The following ENOPH1 variants were observed in gnomAD, a reference collection of about 807,000 sequenced individuals.
ENOPH1 encodes the protein enolase-phosphatase E1.
ENOPH1 carries 14 observed loss-of-function variants against 31.1 expected under a neutral mutation model. That is an observed-to-expected ratio of 0.45 (90% confidence interval 0.30 to 0.70). The LOEUF (loss-of-function observed/expected upper bound fraction) is 0.70, where lower values mean the gene tolerates loss of function less well. ENOPH1 is among the 30% of genes least tolerant of loss of function. The pLI, the probability that ENOPH1 is intolerant of heterozygous loss-of-function variation, is 0.09. For synonymous variants in ENOPH1, 127 were observed against 123.2 expected, an observed-to-expected ratio of 1.03 and a Z score of -0.21; for missense variants, 243 against 321.5, an observed-to-expected ratio of 0.76 and a Z score of 1.87.
intron 2 of ENOPH1, among the ~76,000 whole-genome samples, chr4:82,448,261 GTTTTTTTTGTTTTT>G (rs1442123664): frequency 1.6e-5 from 2 of 125,774 alleles, no homozygotes; most frequent in Non-Finnish European, 3.6e-5. Context: ...GTTTTGTTTT[GTTTTTTTTGTTTTT>G]TTTTGAGATG....
chr4:82,446,698 T>G (rs1722197595), intron 1 of ENOPH1, among the ~76,000 whole-genome samples: 1 of 85,838 alleles, frequency 1.2e-5, no homozygotes, highest in Non-Finnish European at 2.0e-5. Flanking sequence ...TCTTTTTTTT[T>G]TTTTTTTTTT....
chr4:82,434,032 A>G (rs1721841655), intron 1 of ENOPH1, among the ~76,000 whole-genome samples: 1 of 152,188 alleles, frequency 6.6e-6, no homozygotes. Context: ...GACTCATTCT[A>G]AAAGACCATG....
intron 1 of ENOPH1, 61 bp downstream of exon 1, chr4:82,430,974 A>G (rs1202772144): frequency 1.3e-6 from 2 of 1,512,218 alleles, no homozygotes; most frequent in African/African-American, 1.4e-5. Context: ...TATTTTTTCT[A>G]AGTATTTCAG....
chr4:82,441,279 T>G (rs1035591360), intron 1 of ENOPH1, among the ~76,000 whole-genome samples: 1 of 151,956 alleles, frequency 6.6e-6, no homozygotes, highest in African/African-American at 2.4e-5. Context: ...AAAGGGATAT[T>G]TTATATGGTG....
In ENOPH1 at chr4:82,441,466, C is replaced by CA. The variant is rs1722037711; in HGVS notation, c.85-6448dup. Among the ~76,000 whole-genome samples the CA allele has an allele frequency of 2.0e-5, 3 of 152,054 alleles. No homozygotes were observed. The South Asian group carries it at 6.2e-4, about 32-fold the overall frequency. ...TGAAACCCCGTTTCTGCTAAAAATA[C>CA]AAAAAATTGGCCGGGTGTGGTGGCA... On this transcript the variant is annotated intron_variant, in intron 1 of 5. Coordinates refer to ENST00000273920, the MANE Select transcript of ENOPH1 (RefSeq NM_021204.5).
chr4:82,441,256 A>G (rs889645910), intron 1 of ENOPH1, among the ~76,000 whole-genome samples: 1 of 152,190 alleles, frequency 6.6e-6, no homozygotes, highest in African/African-American at 2.4e-5. Context: ...ATGGTGGAAG[A>G]AGAAGGAAGA....
chr4:82,431,674 A>T (rs1260109382), intron 1 of ENOPH1, among the ~76,000 whole-genome samples: 1 of 152,162 alleles, frequency 6.6e-6, no homozygotes, highest in Non-Finnish European at 1.5e-5. Flanking sequence ...AGCAAATATG[A>T]AATGTTACTT....
At chr4:82,447,445 A>C (rs987957586) in intron 1 of ENOPH1, among the ~76,000 whole-genome samples, 1 of 152,214 alleles carries the variant, frequency 6.6e-6, no homozygotes, top group Non-Finnish European at 1.5e-5. Flanking sequence ...TGTGGTATGC[A>C]TGGGGGATAA....
chr4:82,451,055 G>A lies in ENOPH1; in HGVS notation c.199G>A (p.Ala67Thr), dbSNP rs149795346. 6.3e-5 allele frequency: 102 copies of A among 1,613,860 alleles called. No homozygotes were observed. Among genetic ancestry groups the A allele is most frequent in the African/African-American group, 2.7e-4 (20 of 75,034 alleles). The change falls in exon 3 of 6, where the codon GCC becomes ACC. Residue 67 changes from alanine (A) to threonine (T), a missense_variant. Physicochemically the swap from Ala to Thr is moderately conservative, Grantham distance 58 (BLOSUM62 0). Transcript: ENST00000273920. ...SLLRKQAEEDAHLDGAVPIPA... is the reference protein window; with the variant it reads ...SLLRKQAEEDTHLDGAVPIPA... ...TTCTGACTTAAAGGCTGAAGAGGAC[G>A]CCCACCTGGATGGGGCTGTTCCTAT...
intron 3 of ENOPH1, 30 bp from the exon 4 acceptor site, chr4:82,454,692 T>C (rs754645642): frequency 1.9e-6 from 3 of 1,604,106 alleles, no homozygotes; most frequent in Admixed American, 1.8e-5. Flanking sequence ...GAGGTGTTCC[T>C]GTATTTTAAC....
chr4:82,458,956 G>A lies in ENOPH1; in HGVS notation c.647-1025G>A, dbSNP rs372141590. ...GGAAGAAACAGCTCAGCCCCAGTGT[G>A]TCTCCTGGGAACTTAACTCTCTCAG... On this transcript the variant is annotated intron_variant, in intron 5 of 5. Transcript: ENST00000273920. Among the ~76,000 whole-genome samples, 9 of 152,268 alleles carry A rather than the reference G, an allele frequency of 5.9e-5. No homozygotes were observed. In the East Asian group the frequency reaches 1.3e-3, roughly 23 times the overall value.
At chr4:82,448,872 A>C (rs924969932) in intron 2 of ENOPH1, among the ~76,000 whole-genome samples, 5 of 150,666 alleles carry the variant, frequency 3.3e-5, no homozygotes, top group South Asian at 2.1e-4. Context: ...TCTCGGCTAA[A>C]ACGGTGAAAC....
Position 82,454,829 on chromosome 4 carries a change from A to T in ENOPH1, c.497A>T (p.His166Leu). Residue 166 changes from histidine to leucine, a missense_variant, in exon 4 of 6, where the codon CAT becomes CTT. Physicochemically the swap from His to Leu is moderately conservative, Grantham distance 99 (BLOSUM62 -3). Coordinates refer to ENST00000273920, the MANE Select transcript of ENOPH1 (RefSeq NM_021204.5). ...GAGGCACAGAAACTGTTATTCGGGC[A>T]TTCTACGGAGGGAGATATTCTTGAG... ...SVEAQKLLFG[H>L]STEGDILELV... The T allele has an allele frequency of 6.2e-7, 1 of 1,613,436 alleles. No individual in the cohort carries two copies. Among genetic ancestry groups the T allele is most frequent in the Non-Finnish European group, 8.5e-7 (1 of 1,179,882 alleles).
At chr4:82,454,921 AAACTAATTGG>A in intron 4 of ENOPH1, 67 bp downstream of exon 4, 11 of 1,490,080 alleles carry the variant, frequency 7.4e-6, no homozygotes, top group Non-Finnish European at 9.9e-6. Context: ...TCTTAATGGA[AAACTAATTGG>A]AACTAATAGA....
intron 1 of ENOPH1, among the ~76,000 whole-genome samples, chr4:82,444,113 G>C (rs1446581035): frequency 6.6e-6 from 1 of 152,212 alleles, no homozygotes; most frequent in African/African-American, 2.4e-5. Flanking sequence ...GACTTCAAGT[G>C]ATCCACCTGC....
At chr4:82,441,927 G>A (rs967241249) in intron 1 of ENOPH1, among the ~76,000 whole-genome samples, 1 of 152,202 alleles carries the variant, frequency 6.6e-6, no homozygotes, top group African/African-American at 2.4e-5. Flanking sequence ...AAAGATGCTA[G>A]GTGACAAGAT....
At chr4:82,454,306 A>C (rs907312943) in intron 3 of ENOPH1, among the ~76,000 whole-genome samples, 2 of 152,226 alleles carry the variant, frequency 1.3e-5, no homozygotes, top group African/African-American at 4.8e-5. Flanking sequence ...AGATCTTTCT[A>C]AAAGCATTTC....
At position 82,448,545 on chromosome 4, in the gene ENOPH1, A is replaced by C. The variant is rs182848036; in HGVS notation, c.186+524A>C. 5.1e-3 allele frequency among the ~76,000 whole-genome samples: 764 copies of C among 150,556 alleles called. 6 individuals are homozygous for C. The highest frequency in any genetic ancestry group is 0.018 in the African/African-American group (727 of 41,160). The stretch of plus-strand genomic sequence containing the variant: ...CCAAAGTGCTGGGATTACAGGCATG[A>C]GCTTACCACCCCCAGCCCACCCAAA... On this transcript the variant is annotated intron_variant, in intron 2 of 5. Coordinates refer to ENST00000273920, the MANE Select transcript of ENOPH1 (RefSeq NM_021204.5).
intron 1 of ENOPH1, among the ~76,000 whole-genome samples, chr4:82,433,933 C>CA (rs1474187224): frequency 6.6e-6 from 1 of 152,114 alleles, no homozygotes; most frequent in African/African-American, 2.4e-5. Context: ...GCTTTAAAGT[C>CA]AGAGTAGGTG....
Sources: allele counts gnomAD v4.1 joint callset (sites outside exome capture counted in the v4.1 genomes callset), GRCh38; gene constraint gnomAD v4.1.1; transcripts MANE v1.5; gene names NCBI Gene and HGNC (gene_info 2026-07-23, HGNC 2026-07-21).